Variants in EXT1 observed in about 807,000 individuals in gnomAD.
EXT1 encodes the protein exostosin-1.
Under a neutral mutation model 82.5 loss-of-function variants are expected in EXT1, and 20 were observed. That is an observed-to-expected ratio of 0.24 (90% CI 0.17 to 0.35). The LOEUF (loss-of-function observed/expected upper bound fraction) is 0.35, where lower values mean the gene tolerates loss of function less well. Among genes scored for constraint, EXT1 ranks in the 10% least tolerant of loss-of-function variants. The pLI is 1.00. For synonymous variants in EXT1, 348 were observed against 350.8 expected, an observed-to-expected ratio of 0.99 and a Z score of 0.09; for missense variants, 757 against 936.5, an observed-to-expected ratio of 0.81 and a Z score of 2.50.
chr8:118,019,092 A>C (rs78290228), intron 1 of EXT1, among the ~76,000 whole-genome samples: 3 of 133,092 alleles, frequency 2.3e-5, no homozygotes, highest in Non-Finnish European at 4.8e-5. Flanking sequence ...GAGGAAAAAA[A>C]GAAAAAAAAA....
chr8:118,098,186 G>A (rs142411335), intron 1 of EXT1, among the ~76,000 whole-genome samples: 5 of 152,158 alleles, frequency 3.3e-5, no homozygotes, highest in South Asian at 2.1e-4. Context: ...CTACCAATCC[G>A]TCAGGACACT....
intron 4 of EXT1, among the ~76,000 whole-genome samples, chr8:117,826,912 G>A (rs188075642): frequency 2.0e-5 from 3 of 152,308 alleles, no homozygotes; most frequent in East Asian, 1.9e-4. Flanking sequence ...TCTGATGAAT[G>A]TAAGACATTC....
intron 1 of EXT1, among the ~76,000 whole-genome samples, chr8:118,054,863 T>C (rs1387376152): frequency 1.3e-5 from 2 of 152,166 alleles, no homozygotes. Flanking sequence ...CCGAGGCCGC[T>C]CTGAGAGTGA....
chr8:117,994,842 T>C (rs775420839), intron 1 of EXT1, among the ~76,000 whole-genome samples: 8 of 152,222 alleles, frequency 5.3e-5, no homozygotes, highest in Non-Finnish European at 8.8e-5. Flanking sequence ...CAGAGCATTT[T>C]TCTACCAGTG....
At chr8:118,037,838 T>TG (rs1816452111) in intron 1 of EXT1, among the ~76,000 whole-genome samples, 1 of 139,106 alleles carries the variant, frequency 7.2e-6, no homozygotes, top group African/African-American at 3.0e-5. Context: ...TGTTTTTTGT[T>TG]TTTTTTTTTT....
chr8:118,035,767 T>C (rs999704408), intron 1 of EXT1, among the ~76,000 whole-genome samples: 1 of 152,182 alleles, frequency 6.6e-6, no homozygotes, highest in Non-Finnish European at 1.5e-5. Context: ...AAATCTAAAC[T>C]GAACATTTTT....
intron 1 of EXT1, among the ~76,000 whole-genome samples, chr8:118,105,412 T>C (rs770286276): frequency 6.6e-6 from 1 of 152,202 alleles, no homozygotes; most frequent in African/African-American, 2.4e-5. Flanking sequence ...CTAGCTTAGA[T>C]CACAGACTCC....
At chr8:117,829,841 G>T (rs1812068628) in intron 4 of EXT1, among the ~76,000 whole-genome samples, 1 of 152,074 alleles carries the variant, frequency 6.6e-6, no homozygotes, top group South Asian at 2.1e-4. Context: ...AAAGTGCTGA[G>T]ATTACAGGAG....
intron 6 of EXT1, among the ~76,000 whole-genome samples, chr8:117,818,805 C>T (rs1407678930): frequency 6.6e-6 from 1 of 152,124 alleles, no homozygotes; most frequent in African/African-American, 2.4e-5. Context: ...TAGGGGAAAG[C>T]TGCAGGAAAA....
intron 1 of EXT1, among the ~76,000 whole-genome samples, chr8:117,948,343 G>T (rs868182214): frequency 3.5e-5 from 5 of 142,886 alleles, no homozygotes; most frequent in South Asian, 4.3e-4. Context: ...AAAAAAAAAG[G>T]AGTAGTAACA....
At chr8:117,927,005 A>G (rs994863319) in intron 1 of EXT1, among the ~76,000 whole-genome samples, 6 of 152,242 alleles carry the variant, frequency 3.9e-5, no homozygotes, top group African/African-American at 7.2e-5. Flanking sequence ...TGTGCAATTT[A>G]TGACTCCTTC....
intron 1 of EXT1, among the ~76,000 whole-genome samples, chr8:117,922,573 A>C (rs952064237): frequency 6.6e-5 from 10 of 152,068 alleles, no homozygotes; most frequent in African/African-American, 2.4e-4. Context: ...CTCCATTGTG[A>C]GTGTCTGAGA....
At chr8:117,990,205 C>T (rs10955847) in intron 1 of EXT1, among the ~76,000 whole-genome samples, 48,456 of 152,070 alleles carry the variant, frequency 0.32, 8,671 homozygotes, top group African/African-American at 0.48. Flanking sequence ...AGAACCCAGA[C>T]TGGGTCTCCC....
At chr8:117,908,283 C>T (rs1481843291) in intron 1 of EXT1, among the ~76,000 whole-genome samples, 1 of 152,180 alleles carries the variant, frequency 6.6e-6, no homozygotes, top group Non-Finnish European at 1.5e-5. Flanking sequence ...TTCTGTATCT[C>T]TTACAAATCA....
Position 117,797,788 on chromosome 8 carries a change from T to C in EXT1, c.*1924A>G, listed in dbSNP as rs1823106472. ...TTTTCAACAAATGCCTAAGAGATAA[T>C]CACATCTACTTAGGGGAAAATGTCA... On this transcript the variant is annotated 3_prime_UTR_variant, in exon 11 of 11. Transcript: ENST00000378204. 5 of 152,152 alleles carry C rather than the reference T, an allele frequency of 3.3e-5. No homozygotes were observed. Among genetic ancestry groups the C allele is most frequent in the Admixed American group, 2.0e-4 (3 of 15,280 alleles). 9.4% of individuals were successfully genotyped at this position (152,152 alleles called of 1,614,324 possible). A position where few individuals can be genotyped will look rare whatever the true frequency, so the allele number is the denominator to read the frequency against.
chr8:117,915,964 A>G (rs2130001123), intron 1 of EXT1, among the ~76,000 whole-genome samples: 1 of 152,360 alleles, frequency 6.6e-6, no homozygotes, highest in African/African-American at 2.4e-5. Context: ...AAAACTATAA[A>G]GCAGAGGTGC....
chr8:117,912,245 G>C (rs1339254737), intron 1 of EXT1, among the ~76,000 whole-genome samples: 1 of 152,182 alleles, frequency 6.6e-6, no homozygotes, highest in African/African-American at 2.4e-5. Flanking sequence ...CTGCTTAGAA[G>C]TCCTAACAGA....
intron 1 of EXT1, among the ~76,000 whole-genome samples, chr8:117,967,869 C>G (rs573071798): frequency 6.6e-6 from 1 of 152,198 alleles, no homozygotes; most frequent in Non-Finnish European, 1.5e-5. Context: ...GTGGCAGATA[C>G]GTAAAACAAA....
intron 4 of EXT1, among the ~76,000 whole-genome samples, chr8:117,829,304 T>TA (rs917403601): frequency 9.3e-5 from 14 of 150,794 alleles, no homozygotes; most frequent in South Asian, 2.1e-4. Flanking sequence ...CGTCCTGCCT[T>TA]AAAAAAAAAG....
Sources: allele counts gnomAD v4.1 joint callset (sites outside exome capture counted in the v4.1 genomes callset), GRCh38; gene constraint gnomAD v4.1.1; transcripts MANE v1.5; gene names NCBI Gene and HGNC (gene_info 2026-07-23, HGNC 2026-07-21).